Variants in DHRSX observed in about 807,000 individuals in gnomAD.
DHRSX encodes dehydrogenase/reductase X-linked.
A neutral mutation model predicts 34.0 loss-of-function variants in DHRSX; 31 were observed. The observed-to-expected ratio is 0.91, with a 90% CI of 0.69 to 1.23. The LOEUF (loss-of-function observed/expected upper bound fraction) is 1.23. Among genes scored for constraint, DHRSX ranks in the 50% most tolerant of loss-of-function variants. DHRSX has a pLI of 0.00. For missense variants in DHRSX, 414 were observed against 428.1 expected, an observed-to-expected ratio of 0.97 and a Z score of 0.29; for synonymous variants, 201 against 183.8, an observed-to-expected ratio of 1.09 and a Z score of -0.76.
chrX:2,316,708 G>A (rs1344686449), intron 3 of DHRSX, among the ~76,000 whole-genome samples: 3 of 152,138 alleles, frequency 2.0e-5, no homozygotes, highest in South Asian at 4.1e-4. Context: ...CGTATGCCTA[G>A]TGTTCCATTA....
intron 3 of DHRSX, among the ~76,000 whole-genome samples, chrX:2,394,462 G>A (rs1369017720): frequency 6.6e-6 from 1 of 152,214 alleles, no homozygotes; most frequent in Non-Finnish European, 1.5e-5. Context: ...TAGAGCTACA[G>A]GTGAGGGTAA....
intron 3 of DHRSX, among the ~76,000 whole-genome samples, chrX:2,369,810 AT>A (rs34222981): frequency 0.37 from 55,659 of 151,524 alleles, 11,227 homozygotes; most frequent in Non-Finnish European, 0.48. Context: ...AGCCCCAGCT[AT>A]TTTTTGTATT....
chrX:2,273,468 C>T (rs993859821), intron 4 of DHRSX, among the ~76,000 whole-genome samples: 2 of 152,130 alleles, frequency 1.3e-5, no homozygotes, highest in African/African-American at 4.8e-5. Context: ...TACACGTTCT[C>T]ACTTGTAAGT....
chrX:2,322,904 GTCAAC>G (rs1391924674), intron 3 of DHRSX, among the ~76,000 whole-genome samples: 2 of 152,002 alleles, frequency 1.3e-5, no homozygotes, highest in Admixed American at 6.6e-5. Flanking sequence ...TTGTTCAAGG[GTCAAC>G]TCTAGTTTTT....
intron 3 of DHRSX, among the ~76,000 whole-genome samples, chrX:2,367,722 C>A (rs2043010886): frequency 6.6e-6 from 1 of 152,146 alleles, no homozygotes; most frequent in Non-Finnish European, 1.5e-5. Flanking sequence ...CACTCAGGCA[C>A]ACAAAGACAC....
intron 4 of DHRSX, among the ~76,000 whole-genome samples, chrX:2,267,461 C>T (rs1267638565): frequency 6.6e-6 from 1 of 151,140 alleles, no homozygotes; most frequent in Admixed American, 6.6e-5. Flanking sequence ...AGGAGAATTG[C>T]TTGAACCTGG....
At chrX:2,448,477 CA>C (rs1233255860) in intron 1 of DHRSX, among the ~76,000 whole-genome samples, 1 of 149,386 alleles carries the variant, frequency 6.7e-6, no homozygotes. Flanking sequence ...ATTCTGACCA[CA>C]AAAAAAAGTA....
intron 5 of DHRSX, among the ~76,000 whole-genome samples, chrX:2,247,669 A>T (rs1437301550): frequency 6.6e-6 from 1 of 151,802 alleles, no homozygotes; most frequent in East Asian, 1.9e-4. Flanking sequence ...AAAAAAAAAA[A>T]AAAAAAAATT....
At chrX:2,273,944 G>A (rs2041590665) in intron 4 of DHRSX, among the ~76,000 whole-genome samples, 1 of 152,222 alleles carries the variant, frequency 6.6e-6, no homozygotes, top group Non-Finnish European at 1.5e-5. Flanking sequence ...TTCCTGCGCC[G>A]TGGTGAATGC....
intron 5 of DHRSX, among the ~76,000 whole-genome samples, chrX:2,246,724 G>GA (rs1173295702): frequency 0.012 from 1,186 of 101,768 alleles, 17 homozygotes; most frequent in African/African-American, 0.038. Flanking sequence ...AAGAAAGAAA[G>GA]AAAGAAAGAA....
At chrX:2,418,538 T>C (rs1383895188) in intron 2 of DHRSX, among the ~76,000 whole-genome samples, 2 of 152,160 alleles carry the variant, frequency 1.3e-5, no homozygotes, top group Non-Finnish European at 2.9e-5. Context: ...AATTAAACAT[T>C]GCCTAGCTAA....
At position 2,396,375 on chromosome X, in the gene DHRSX, C is replaced by CTTTTTTTTTTTTTT. The variant is rs1204243041; in HGVS notation, c.286+12356_286+12369dup. Among the ~76,000 whole-genome samples the CTTTTTTTTTTTTTT allele has an allele frequency of 7.8e-4, 77 of 99,218 alleles. 1 individual carries two copies. Among genetic ancestry groups the CTTTTTTTTTTTTTT allele is most frequent in the Non-Finnish European group, 1.2e-3 (65 of 53,150 alleles). The allele number at this position is 99,218 out of a possible 152,430, so 65.1% of individuals were successfully genotyped here. On this transcript the variant is annotated intron_variant, in intron 3 of 6. Transcript: ENST00000334651. ...TGTGTTTGATGCTTTCTTTCTTTTT[C>CTTTTTTTTTTTTTT]TTTTTTTTTTTTTTTTTTTTGAGAC... is the stretch of plus-strand genomic sequence containing the variant.
At chrX:2,426,243 C>T (rs1320642243) in intron 1 of DHRSX, among the ~76,000 whole-genome samples, 1 of 152,132 alleles carries the variant, frequency 6.6e-6, no homozygotes, top group African/African-American at 2.4e-5. Context: ...TGGTATCACA[C>T]GTGCAGATAG....
At chrX:2,366,998 C>T (rs1376584508) in intron 3 of DHRSX, among the ~76,000 whole-genome samples, 2 of 152,076 alleles carry the variant, frequency 1.3e-5, no homozygotes, top group African/African-American at 4.8e-5. Flanking sequence ...TGCGGTTTCT[C>T]ATCTGAATGC....
At chrX:2,482,108 C>A (rs1603152695) in intron 1 of DHRSX, among the ~76,000 whole-genome samples, 1 of 147,540 alleles carries the variant, frequency 6.8e-6, no homozygotes, top group South Asian at 2.1e-4. Flanking sequence ...TGTGACCACA[C>A]ACGTGTGCCA....
chrX:2,415,355 CTCA>C (rs1236473553), intron 2 of DHRSX, among the ~76,000 whole-genome samples: 1 of 151,718 alleles, frequency 6.6e-6, no homozygotes, highest in Non-Finnish European at 1.5e-5. Context: ...CCAACTAGAT[CTCA>C]TCATAACCTA....
intron 3 of DHRSX, among the ~76,000 whole-genome samples, chrX:2,365,561 T>A (rs747330198): frequency 6.6e-6 from 1 of 152,188 alleles, no homozygotes; most frequent in East Asian, 1.9e-4. Flanking sequence ...ACTTACAATC[T>A]CTTTACTTCT....
intron 1 of DHRSX, chrX:2,489,981 T>C (rs1456374098): frequency 1.9e-6 from 3 of 1,613,884 alleles, no homozygotes; most frequent in Admixed American, 1.7e-5. Context: ...ACTCGCGTGA[T>C]GGTCTCCGCC....
intron 1 of DHRSX, among the ~76,000 whole-genome samples, chrX:2,433,923 C>G (rs768253930): frequency 6.6e-6 from 1 of 152,058 alleles, no homozygotes; most frequent in East Asian, 1.9e-4. Flanking sequence ...TACAGGCGCC[C>G]GCCACCACGC....
Sources: gnomAD v4.1 joint callset for allele counts (sites outside exome capture counted in the v4.1 genomes callset) on GRCh38, gnomAD v4.1.1 for gene constraint, MANE v1.5 for transcripts, NCBI Gene and HGNC (gene_info 2026-07-23, HGNC 2026-07-21) for gene names.